Variants in SV2C observed in about 807,000 individuals in gnomAD.
SV2C encodes synaptic vesicle glycoprotein 2C.
SV2C carries 49 observed loss-of-function variants against 79.7 expected under a neutral mutation model. The ratio of observed to expected loss-of-function variants is 0.61; its 90% confidence interval spans 0.49 to 0.78. The LOEUF (loss-of-function observed/expected upper bound fraction) is 0.78, where lower values mean the gene tolerates loss of function less well. SV2C is among the 30% of genes least tolerant of loss of function. The pLI is 0.00. For missense variants in SV2C, 833 were observed against 912.9 expected, an observed-to-expected ratio of 0.91 and a Z score of 1.13; for synonymous variants, 334 against 333.2, an observed-to-expected ratio of 1.00 and a Z score of -0.03.
the SV2C span, among the ~76,000 whole-genome samples, chr5:75,860,619 C>G: frequency 6.6e-6 from 1 of 152,198 alleles, no homozygotes; most frequent in Non-Finnish European, 1.5e-5. Flanking sequence ...CATAAAAGAG[C>G]CTAAATAACC....
At chr5:75,983,228 G>A in the SV2C span, among the ~76,000 whole-genome samples, 1 of 151,906 alleles carries the variant, frequency 6.6e-6, no homozygotes, top group South Asian at 2.1e-4. Context: ...TAAAATAACA[G>A]TTAAAAAAAA....
intron 1 of SV2C, among the ~76,000 whole-genome samples, chr5:76,123,165 A>G (rs946900586): frequency 2.6e-5 from 4 of 152,250 alleles, no homozygotes; most frequent in African/African-American, 9.6e-5. Flanking sequence ...CACTCTCCCA[A>G]GACTAAACCA....
intron 12 of SV2C, among the ~76,000 whole-genome samples, chr5:76,321,750 A>G (rs2112561243): frequency 6.6e-6 from 1 of 152,008 alleles, no homozygotes; most frequent in East Asian, 1.9e-4. Flanking sequence ...ATCTCTGAAA[A>G]AAAAAAAAAA....
the SV2C span, among the ~76,000 whole-genome samples, chr5:75,981,036 T>C: frequency 6.6e-6 from 1 of 152,168 alleles, no homozygotes; most frequent in African/African-American, 2.4e-5. Context: ...AGAATCAATG[T>C]GCAAAAATAT....
At chr5:75,892,639 G>A in the SV2C span, among the ~76,000 whole-genome samples, 2 of 152,012 alleles carry the variant, frequency 1.3e-5, no homozygotes, top group African/African-American at 2.4e-5. Context: ...TTATGTCCAT[G>A]TGTACCCATT....
intron 7 of SV2C, 146 bp downstream of exon 7, chr5:76,291,477 G>A: frequency 3.1e-6 from 2 of 639,246 alleles, no homozygotes; most frequent in South Asian, 4.4e-5. Context: ...CCAGGTAATT[G>A]GATCCCACTC....
At chr5:76,279,646 T>C (rs1437616407) in intron 4 of SV2C, among the ~76,000 whole-genome samples, 1 of 152,098 alleles carries the variant, frequency 6.6e-6, no homozygotes, top group African/African-American at 2.4e-5. Context: ...AACAGCCTGT[T>C]TGGGGTGAGA....
chr5:75,921,693 T>C, the SV2C span: 1 of 557,072 alleles, frequency 1.8e-6, no homozygotes, highest in Non-Finnish European at 3.4e-6. Context: ...GCAATGGATA[T>C]ACCCAGCAAA....
At chr5:76,348,947 C>G (rs920785857) in intron 12 of SV2C, among the ~76,000 whole-genome samples, 4 of 152,030 alleles carry the variant, frequency 2.6e-5, no homozygotes, top group African/African-American at 9.7e-5. Flanking sequence ...TGCAGCGAGC[C>G]GAGACCATAC....
chr5:76,079,069 T>C (rs1436410438), upstream of SV2C: 1 of 396,334 alleles, frequency 2.5e-6, no homozygotes, highest in African/African-American at 2.1e-5. Flanking sequence ...CCTGGTTGAA[T>C]ATGACATAGA....
the SV2C span, among the ~76,000 whole-genome samples, chr5:75,890,610 A>G: frequency 6.6e-6 from 1 of 152,048 alleles, no homozygotes; most frequent in African/African-American, 2.4e-5. Context: ...TTAGAGGAGG[A>G]CATTTATGCA....
the SV2C span, among the ~76,000 whole-genome samples, chr5:75,933,504 T>C: frequency 4.6e-5 from 7 of 152,330 alleles, no homozygotes; most frequent in Admixed American, 3.3e-4. Flanking sequence ...AGGCCTGAGT[T>C]TCTTTAGTCT....
At chr5:75,911,514 C>T in the SV2C span, 1 of 710,474 alleles carries the variant, frequency 1.4e-6, no homozygotes, top group Non-Finnish European at 2.5e-6. Flanking sequence ...CAACCACTGG[C>T]CCTAGGGTCT....
At position 76,112,986 on chromosome 5, in the gene SV2C, G is replaced by A. The variant is rs190060855; in HGVS notation, c.-101-18664G>A. Among the ~76,000 whole-genome samples, 767 of 152,298 alleles carry A rather than the reference G, an allele frequency of 5.0e-3. 2 individuals are homozygous for A. Among genetic ancestry groups the A allele is most frequent in the Middle Eastern group, 0.01 (3 of 294 alleles). ...GTGGAGTTACAGTACTGGCCCAGAG[G>A]TATGACAGTTGAAGAAGGCATTGGA... is the stretch of plus-strand genomic sequence containing the variant. On this transcript the variant is annotated intron_variant, in intron 1 of 12. Coordinates refer to ENST00000502798, the MANE Select transcript of SV2C (RefSeq NM_014979.4).
At chr5:76,190,218 T>G (rs1474730075) in intron 2 of SV2C, among the ~76,000 whole-genome samples, 3 of 152,168 alleles carry the variant, frequency 2.0e-5, no homozygotes, top group Non-Finnish European at 4.4e-5. Flanking sequence ...AGGACCATCA[T>G]AACAGGTCTA....
At chr5:76,167,818 T>C (rs1196365974) in intron 2 of SV2C, among the ~76,000 whole-genome samples, 1 of 152,190 alleles carries the variant, frequency 6.6e-6, no homozygotes, top group African/African-American at 2.4e-5. Flanking sequence ...AGCTGAGTTA[T>C]ACTGAAGCTT....
chr5:76,111,255 AT>A (rs1393003335), intron 1 of SV2C, among the ~76,000 whole-genome samples: 1 of 151,998 alleles, frequency 6.6e-6, no homozygotes, highest in Non-Finnish European at 1.5e-5. Flanking sequence ...TCTGGGAGTT[AT>A]TTTTTTAATG....
At chr5:76,213,572 A>T (rs1357088190) in intron 4 of SV2C, among the ~76,000 whole-genome samples, 1 of 152,184 alleles carries the variant, frequency 6.6e-6, no homozygotes, top group Non-Finnish European at 1.5e-5. Flanking sequence ...GAGACACAGC[A>T]TTGAGAGTTT....
chr5:76,136,106 G>T (rs550919663), intron 2 of SV2C, among the ~76,000 whole-genome samples: 2 of 152,226 alleles, frequency 1.3e-5, no homozygotes, highest in African/African-American at 4.8e-5. Flanking sequence ...ACAGCCAGGT[G>T]TTGACTAATA....
Sources: allele counts gnomAD v4.1 joint callset (sites outside exome capture counted in the v4.1 genomes callset), GRCh38; gene constraint gnomAD v4.1.1; transcripts MANE v1.5; gene names NCBI Gene and HGNC (gene_info 2026-07-23, HGNC 2026-07-21).